The following CDH13 variants were observed in gnomAD, a reference collection of about 807,000 sequenced individuals.
The protein encoded by CDH13 is cadherin 13.
In CDH13, 24 loss-of-function variants were observed where a neutral mutation model predicts 63.8. That is an observed-to-expected ratio of 0.38 (90% CI 0.27 to 0.53). The LOEUF (loss-of-function observed/expected upper bound fraction) is 0.53. CDH13 is among the 20% of genes least tolerant of loss of function. The pLI, the probability that CDH13 is intolerant of heterozygous loss-of-function variation, is 0.85. For missense variants in CDH13, 1,049 were observed against 903.1 expected (o/e 1.16, Z -2.07); for synonymous variants, 503 against 355.3 (o/e 1.42, Z -4.67).
chr16:82,840,181 G>C (rs1163435750), intron 1 of CDH13, among the ~76,000 whole-genome samples: 1 of 152,082 alleles, frequency 6.6e-6, no homozygotes, highest in Non-Finnish European at 1.5e-5. Context: ...TCTGTATTCA[G>C]ATACACCGAT....
At chr16:83,101,762 C>T (rs1047747397) in intron 3 of CDH13, among the ~76,000 whole-genome samples, 1 of 152,130 alleles carries the variant, frequency 6.6e-6, no homozygotes, top group South Asian at 2.1e-4. Flanking sequence ...CCCCTGCACT[C>T]CAGCCTGGGA....
chr16:82,763,498 G>A (rs2034933308), intron 1 of CDH13, among the ~76,000 whole-genome samples: 2 of 152,026 alleles, frequency 1.3e-5, no homozygotes, highest in Admixed American at 1.3e-4. Context: ...AAATGAAAAG[G>A]TTCACATGGA....
intron 8 of CDH13, among the ~76,000 whole-genome samples, chr16:83,656,118 C>A (rs573681969): frequency 7.9e-4 from 120 of 152,272 alleles, no homozygotes; most frequent in African/African-American, 2.6e-3. Flanking sequence ...CCCTGGCAAC[C>A]ATAAGTCTGT....
intron 2 of CDH13, among the ~76,000 whole-genome samples, chr16:82,863,704 C>A (rs1200762956): frequency 6.6e-6 from 1 of 152,110 alleles, no homozygotes; most frequent in Non-Finnish European, 1.5e-5. Flanking sequence ...TCATTACTTT[C>A]ATTCATAGAC....
intron 1 of CDH13, among the ~76,000 whole-genome samples, chr16:82,816,522 C>A (rs1440499524): frequency 6.6e-6 from 1 of 152,030 alleles, no homozygotes; most frequent in Non-Finnish European, 1.5e-5. Context: ...GAAGGCCTCA[C>A]TGAGGCATCA....
chr16:82,873,361 C>T (rs1294675002), intron 2 of CDH13, among the ~76,000 whole-genome samples: 1 of 152,210 alleles, frequency 6.6e-6, no homozygotes, highest in African/African-American at 2.4e-5. Context: ...TAAAAAGTGT[C>T]AGTGGTGTTA....
intron 1 of CDH13, among the ~76,000 whole-genome samples, chr16:82,746,171 A>G (rs2034156388): frequency 7.7e-6 from 1 of 129,290 alleles, no homozygotes; most frequent in African/African-American, 2.7e-5. Flanking sequence ...TACATACTAT[A>G]TATTATATGC....
At chr16:83,693,407 T>C (rs1905084927) in intron 10 of CDH13, among the ~76,000 whole-genome samples, 1 of 152,246 alleles carries the variant, frequency 6.6e-6, no homozygotes, top group Non-Finnish European at 1.5e-5. Flanking sequence ...TAAAGGTGTC[T>C]CTTTGAGACT....
At chr16:83,699,787 G>C (rs985514450) in intron 10 of CDH13, among the ~76,000 whole-genome samples, 4 of 152,194 alleles carry the variant, frequency 2.6e-5, no homozygotes, top group Admixed American at 2.6e-4. Context: ...GAAAGCCCTC[G>C]ATTTTCCATC....
chr16:83,017,455 G>A (rs946456885), intron 2 of CDH13, among the ~76,000 whole-genome samples: 13 of 152,108 alleles, frequency 8.5e-5, no homozygotes, highest in Non-Finnish European at 1.8e-4. Flanking sequence ...CAAGGACCTG[G>A]AACTGGATTC....
At chr16:83,491,231 G>C (rs2074004862) in intron 7 of CDH13, among the ~76,000 whole-genome samples, 1 of 152,234 alleles carries the variant, frequency 6.6e-6, no homozygotes, top group Non-Finnish European at 1.5e-5. Flanking sequence ...GAATAGGATG[G>C]ACAGGAGTAT....
At chr16:83,235,600 C>G in intron 5 of CDH13, among the ~76,000 whole-genome samples, 1 of 118,966 alleles carries the variant, frequency 8.4e-6, no homozygotes. Context: ...TTTTTTTTCT[C>G]ATTGCAGAAG....
chr16:83,162,247 C>G (rs1022957870), intron 4 of CDH13, among the ~76,000 whole-genome samples: 1 of 152,096 alleles, frequency 6.6e-6, no homozygotes, highest in Non-Finnish European at 1.5e-5. Flanking sequence ...AAATTTTCAT[C>G]ACCATTGTCC....
intron 7 of CDH13, among the ~76,000 whole-genome samples, chr16:83,517,370 C>T (rs2074721951): frequency 6.6e-6 from 1 of 152,222 alleles, no homozygotes; most frequent in Non-Finnish European, 1.5e-5. Context: ...AAGTTTCTTT[C>T]TTGCTCAAGC....
intron 1 of CDH13, among the ~76,000 whole-genome samples, chr16:82,687,212 A>C (rs140165713): frequency 0.017 from 2,622 of 152,282 alleles, 40 homozygotes; most frequent in Middle Eastern, 0.044. Context: ...GCCTGTGAAC[A>C]GTGATGGAAG....
At chr16:83,432,171 A>G (rs940539361) in intron 6 of CDH13, among the ~76,000 whole-genome samples, 1 of 152,168 alleles carries the variant, frequency 6.6e-6, no homozygotes, top group Non-Finnish European at 1.5e-5. Context: ...TGGAAATTTC[A>G]GATTCCCTGT....
At chr16:83,177,468 G>T (rs910483952) in intron 4 of CDH13, among the ~76,000 whole-genome samples, 1 of 152,274 alleles carries the variant, frequency 6.6e-6, no homozygotes, top group South Asian at 2.1e-4. Flanking sequence ...TGGCATATCC[G>T]CAAGCCAAGC....
At chr16:82,656,256 C>G (rs1911279084) in intron 1 of CDH13, among the ~76,000 whole-genome samples, 1 of 151,750 alleles carries the variant, frequency 6.6e-6, no homozygotes, top group Admixed American at 6.6e-5. Context: ...TGGCAGCTGG[C>G]TCAGTGTGGC....
chr16:83,521,687 A>G (rs533989464), intron 7 of CDH13, among the ~76,000 whole-genome samples: 21 of 152,208 alleles, frequency 1.4e-4, no homozygotes, highest in Non-Finnish European at 2.6e-4. Context: ...CACCCCCGGA[A>G]AAGAACATGA....
Sources: gnomAD v4.1 joint callset for allele counts (sites outside exome capture counted in the v4.1 genomes callset) on GRCh38, gnomAD v4.1.1 for gene constraint, MANE v1.5 for transcripts, NCBI Gene and HGNC (gene_info 2026-07-23, HGNC 2026-07-21) for gene names.